Variants in MYOF observed in about 807,000 individuals in gnomAD.
MYOF encodes the protein fer-1-like 3, myoferlin.
In MYOF, 244 loss-of-function variants were observed where a neutral mutation model predicts 284.2. The observed-to-expected ratio is 0.86, with a 90% CI of 0.77 to 0.95. MYOF has a LOEUF of 0.95. MYOF is among the 40% of genes least tolerant of loss of function. MYOF has a pLI of 0.00. For missense variants in MYOF, 2,496 were observed against 2,560.6 expected (o/e 0.97, Z 0.54); for synonymous variants, 904 against 919.7 (o/e 0.98, Z 0.31).
chr10:93,377,195 G>C (rs536954821), intron 22 of MYOF, 128 bp downstream of exon 22: 2 of 697,508 alleles, frequency 2.9e-6, no homozygotes, highest in Non-Finnish European at 4.7e-6. Flanking sequence ...GACTTTTTAC[G>C]AAGTTTGAAT....
At chr10:93,435,613 C>T (rs549631942) in intron 3 of MYOF, among the ~76,000 whole-genome samples, 5 of 152,150 alleles carry the variant, frequency 3.3e-5, no homozygotes, top group Non-Finnish European at 7.3e-5. Flanking sequence ...TGTTGCTAGG[C>T]TTGTATATGT....
In MYOF at chr10:93,344,252, A is replaced by C. The variant is rs139258971; in HGVS notation, c.4250-320T>G. Among the ~76,000 whole-genome samples the C allele has an allele frequency of 6.3e-3, 954 of 152,374 alleles. 4 individuals are homozygous for C. The highest frequency in any genetic ancestry group is 0.01 in the Non-Finnish European group (712 of 68,038). On this transcript the variant is annotated intron_variant, in intron 37 of 53. Coordinates refer to ENST00000359263, the MANE Select transcript of MYOF (RefSeq NM_013451.4). ...ACATGTCTTTAGAGGGTGCAGGAGT[A>C]AGTGGGGAACCGACATTTTTTAATT...
At chr10:93,349,027 G>A (rs1418567758) in intron 36 of MYOF, among the ~76,000 whole-genome samples, 1 of 152,138 alleles carries the variant, frequency 6.6e-6, no homozygotes, top group East Asian at 1.9e-4. Context: ...CAAGAGCACT[G>A]TATTGGAGAC....
chr10:93,453,583 G>A lies in MYOF; in HGVS notation c.145-1442C>T, dbSNP rs573258361. Among the ~76,000 whole-genome samples the A allele has an allele frequency of 1.2e-3, 184 of 152,270 alleles. 1 individual carries two copies. In the Middle Eastern group the frequency reaches 0.031, roughly 25 times the overall value. ...CAAAGTGCTGGGATTACAGGCATGT[G>A]CCACCACACGTGGCCTCAGAGCTTC... On this transcript the variant is annotated intron_variant, in intron 2 of 53. Transcript: ENST00000359263.
chr10:93,333,692 C>A (rs1843454039), intron 42 of MYOF, 66 bp downstream of exon 42: 2 of 1,576,588 alleles, frequency 1.3e-6, no homozygotes, highest in South Asian at 1.2e-5. Context: ...AAGAACATGA[C>A]AATTATTGTG....
intron 5 of MYOF, among the ~76,000 whole-genome samples, chr10:93,420,966 C>T (rs1848334046): frequency 6.6e-6 from 1 of 152,070 alleles, no homozygotes; most frequent in African/African-American, 2.4e-5. Context: ...GACTGTAATC[C>T]CAGCACTTTG....
At chr10:93,438,621 A>G (rs1373911605) in intron 3 of MYOF, among the ~76,000 whole-genome samples, 1 of 152,044 alleles carries the variant, frequency 6.6e-6, no homozygotes, top group Non-Finnish European at 1.5e-5. Flanking sequence ...GAAGTCCGAG[A>G]AACAATGGTC....
chr10:93,410,029 C>T (rs1463305182), intron 5 of MYOF, among the ~76,000 whole-genome samples: 1 of 152,128 alleles, frequency 6.6e-6, no homozygotes, highest in Non-Finnish European at 1.5e-5. Flanking sequence ...CACCGTTGGA[C>T]CCAGCCAGGG....
chr10:93,479,750 C>T (rs1389580708), intron 1 of MYOF, among the ~76,000 whole-genome samples: 2 of 152,160 alleles, frequency 1.3e-5, no homozygotes, highest in African/African-American at 2.4e-5. Context: ...GAGTTGAGTG[C>T]CCTTTCCTCT....
chr10:93,383,484 A>G (rs1367016524), intron 19 of MYOF, among the ~76,000 whole-genome samples: 1 of 151,150 alleles, frequency 6.6e-6, no homozygotes, highest in Non-Finnish European at 1.5e-5. Flanking sequence ...TCCCTAGCTT[A>G]GTCCACTGTC....
rs148367357 is a variant in MYOF, at chr10:93,312,697, G to A, written c.5889+323C>T. 3.7e-3 allele frequency among the ~76,000 whole-genome samples: 559 copies of A among 151,648 alleles called. 2 individuals carry two copies. The highest frequency in any genetic ancestry group is 5.5e-3 in the Admixed American group (83 of 15,204). ...AAATGTGAAGTTCCCTTTTCCATAC[G>A]AAATTGTACTAGAAGCCTAGCATTA... On this transcript the variant is annotated intron_variant, in intron 51 of 53. Transcript: ENST00000359263.
At chr10:93,429,331 T>C (rs1194166129) in intron 4 of MYOF, among the ~76,000 whole-genome samples, 2 of 152,150 alleles carry the variant, frequency 1.3e-5, no homozygotes, top group Admixed American at 1.3e-4. Flanking sequence ...TTGTACAGCC[T>C]GCAGAACTGT....
At chr10:93,451,449 A>G (rs701867) in intron 3 of MYOF, among the ~76,000 whole-genome samples, 118,196 of 152,014 alleles carry the variant, frequency 0.78, 46,035 homozygotes, top group African/African-American at 0.81. Context: ...TAATACTAAG[A>G]TCATTCTGTC....
At chr10:93,371,409 A>G (rs1845582118) in intron 24 of MYOF, among the ~76,000 whole-genome samples, 1 of 152,198 alleles carries the variant, frequency 6.6e-6, no homozygotes, top group African/African-American at 2.4e-5. Flanking sequence ...CTTCAACCAA[A>G]TAACTAATTC....
intron 5 of MYOF, among the ~76,000 whole-genome samples, chr10:93,409,944 C>T (rs1007497470): frequency 5.9e-5 from 9 of 152,168 alleles, no homozygotes; most frequent in Admixed American, 2.6e-4. Context: ...CACAGTACAT[C>T]GGGGCTGTTG....
chr10:93,387,852 G>A lies in MYOF; in HGVS notation c.1643C>T (p.Thr548Ile), dbSNP rs117595198. The A allele has an allele frequency of 0.014, 22,411 of 1,614,012 alleles. 245 individuals carry two copies. Among genetic ancestry groups the A allele is most frequent in the Non-Finnish European group, 0.014 (16,857 of 1,179,962 alleles). The part of the protein sequence containing the change: ...LVELATFLEK[T>I]PPDKKLEPIS... ...GGGCTCAAGCTTTTTATCTGGTGGT[G>A]TCTTCTCAAGAAAAGTGGCTAATTC... Residue 548 changes from threonine (T) to isoleucine (I), a missense_variant, in exon 19 of 54, where the codon ACA (threonine) becomes ATA (isoleucine). Around this residue, in one of 3 missense-constraint regions of MYOF, gnomAD observed 2,436 missense variants for 2,480.7 expected, o/e 0.98. Coordinates refer to ENST00000359263, the MANE Select transcript of MYOF (RefSeq NM_013451.4).
Position 93,310,163 on chromosome 10 carries a change from G to A in MYOF, c.6004C>T (p.Pro2002Ser). 6.2e-6 allele frequency: 10 copies of A among 1,614,004 alleles called. No homozygotes were observed. The highest frequency in any genetic ancestry group is 8.5e-6 in the Non-Finnish European group (10 of 1,179,886). Residue 2002 changes from proline to serine, a missense_variant, in exon 53 of 54, where the codon CCA becomes TCA. Physicochemically the swap from Pro to Ser is moderately conservative, Grantham distance 74. Coordinates refer to ENST00000359263, the MANE Select transcript of MYOF (RefSeq NM_013451.4). ...MNPKLDLPNRPETSFLWFTNP... is the reference protein window; with the variant it reads ...MNPKLDLPNRSETSFLWFTNP... ...GTGAACCAGAGGAAGGAGGTTTCTG[G>A]TCGACTGCATTGCAAAGAAACAGTA...
intron 3 of MYOF, 80 bp from the exon 4 acceptor site, chr10:93,431,596 C>G (rs1190412413): frequency 2.0e-6 from 2 of 1,002,492 alleles, no homozygotes; most frequent in Non-Finnish European, 3.1e-6. Context: ...CAACCCCTAC[C>G]TCTTCATCTG....
rs112888122 is a variant in MYOF, at chr10:93,407,286, C to T, written c.729+1501G>A. On this transcript the variant is annotated intron_variant, in intron 7 of 53. Coordinates refer to ENST00000359263, the MANE Select transcript of MYOF (RefSeq NM_013451.4). ...ACTAAAAATACAAATATTAGCTGAGCGTGGTGGTGTGTGCCTGTAGTCCCA... is the reference window on the plus strand; with the variant it reads ...ACTAAAAATACAAATATTAGCTGAGTGTGGTGGTGTGTGCCTGTAGTCCCA... Among the ~76,000 whole-genome samples, 19 of 151,570 alleles carry T rather than the reference C, an allele frequency of 1.3e-4. 1 individual carries two copies. Among genetic ancestry groups the T allele is most frequent in the African/African-American group, 2.9e-4 (12 of 41,268 alleles).
Sources: allele counts gnomAD v4.1 joint callset (sites outside exome capture counted in the v4.1 genomes callset), GRCh38; gene constraint gnomAD v4.1.1; regional missense constraint gnomAD v4.1.1; transcripts MANE v1.5; gene names NCBI Gene and HGNC (gene_info 2026-07-23, HGNC 2026-07-21).